Variants in ACSF3 observed in about 807,000 individuals in gnomAD.
ACSF3 encodes malonate--CoA ligase ACSF3, mitochondrial.
A neutral mutation model predicts 53.2 loss-of-function variants in ACSF3; 78 were observed. The observed-to-expected ratio is 1.47, with a 90% confidence interval of 1.22 to 1.77. The LOEUF (loss-of-function observed/expected upper bound fraction) is 1.77. ACSF3 is among the 40% of genes most tolerant of loss of function. The pLI, the probability that ACSF3 is intolerant of heterozygous loss-of-function variation, is 0.00. For synonymous variants in ACSF3, 414 were observed against 333.1 expected (o/e 1.24, Z -2.65); for missense variants, 937 against 771.1 (o/e 1.22, Z -2.55).
chr16:89,132,007 C>G (rs1213042854), intron 7 of ACSF3, among the ~76,000 whole-genome samples: 1 of 152,104 alleles, frequency 6.6e-6, no homozygotes, highest in African/African-American at 2.4e-5. Flanking sequence ...GTGTTTCACC[C>G]CCGTGGGTGG....
intron 8 of ACSF3, among the ~76,000 whole-genome samples, chr16:89,134,483 G>A (rs973186418): frequency 4.6e-5 from 7 of 152,182 alleles, no homozygotes; most frequent in Admixed American, 2.6e-4. Context: ...AGAAGTCAGC[G>A]GCGGGTCTGC....
chr16:89,124,020 CG>C (rs869188045), intron 7 of ACSF3, among the ~76,000 whole-genome samples: 109 of 73,930 alleles, frequency 1.5e-3, no homozygotes, highest in African/African-American at 4.1e-3. Flanking sequence ...ATCACACGCA[CG>C]CAGTGTGCAC....
At chr16:89,135,417 T>C (rs1015787839) in intron 8 of ACSF3, among the ~76,000 whole-genome samples, 2 of 152,330 alleles carry the variant, frequency 1.3e-5, no homozygotes, top group Admixed American at 6.5e-5. Flanking sequence ...GTTTGCAAAG[T>C]GAAGGCTCCG....
chr16:89,114,425 A>G lies in ACSF3; in HGVS notation c.1064A>G (p.Tyr355Cys), dbSNP rs1217095212. 52 of 1,613,744 alleles carry G rather than the reference A, an allele frequency of 3.2e-5. No homozygotes were observed. The highest frequency in any genetic ancestry group is 4.3e-5 in the Non-Finnish European group (51 of 1,180,034). The stretch of plus-strand genomic sequence containing the variant: ...ACGGGCCACACCCTGCTGGAGCGGT[A>G]TGGCATGACCGAGATCGGCATGGCT... ...NITGHTLLERYGMTEIGMALS... is the reference protein window; with the variant it reads ...NITGHTLLERCGMTEIGMALS... The change falls in exon 6 of 11, where the codon TAT (tyrosine) becomes TGT (cysteine). Residue 355 changes from tyrosine to cysteine, a missense_variant. By Grantham distance (194) the Tyr-to-Cys change is radical (BLOSUM62 -2). Transcript: ENST00000614302.
chr16:89,151,479 C>G, intron 10 of ACSF3: 1 of 285,122 alleles, frequency 3.5e-6, no homozygotes, highest in South Asian at 3.4e-5. Context: ...CACACAAAAT[C>G]CTAAACAAAA....
rs145228567 is a variant in ACSF3, at chr16:89,093,921, C to A, written c.-269C>A. 2 of 325,056 alleles carry A rather than the reference C, an allele frequency of 6.2e-6. No individual in the cohort carries two copies. Among genetic ancestry groups the A allele is most frequent in the Non-Finnish European group, 6.4e-6 (1 of 155,748 alleles). 20.1% of individuals were successfully genotyped at this position (325,056 alleles called of 1,614,324 possible). A position where few individuals can be genotyped will look rare whatever the true frequency, so the allele number is the denominator to read the frequency against. ...ACCCGGCCGGAACCCGGCCCGACCC[C>A]GGCGCGCGCGCGGCGGAGGACGAGG... On this transcript the variant is annotated 5_prime_UTR_variant, in exon 1 of 11. Transcript: ENST00000614302.
chr16:89,120,975 G>A, intron 7 of ACSF3, 62 bp downstream of exon 7: 4 of 1,429,202 alleles, frequency 2.8e-6, no homozygotes, highest in Non-Finnish European at 3.9e-6. Context: ...CCCCAGGGTG[G>A]TTACACTGGT....
chr16:89,133,230 G>T lies in ACSF3; in HGVS notation c.1334G>T (p.Ser445Ile). The T allele has an allele frequency of 6.2e-7, 1 of 1,614,148 alleles. No homozygotes were observed. Residue 445 changes from serine to isoleucine, a missense_variant, in exon 8 of 11, where the codon AGT (serine) becomes ATT (isoleucine). By Grantham distance (142) the Ser-to-Ile change is moderately radical. Coordinates refer to ENST00000614302, the MANE Select transcript of ACSF3 (RefSeq NM_001243279.3). ...EYWNKPEETK[S>I]AFTLDGWFKT... is the part of the protein sequence containing the mutation. ...TGGAATAAACCAGAAGAAACTAAGA[G>T]TGCATTCACCCTGGATGGCTGGTTT...
intron 6 of ACSF3, among the ~76,000 whole-genome samples, chr16:89,119,430 C>T (rs1034917928): frequency 2.2e-4 from 33 of 152,152 alleles, no homozygotes; most frequent in Non-Finnish European, 4.4e-4. Flanking sequence ...GAGGGTGTGG[C>T]GGTCGTGGGC....
rs1975502704 is a variant in ACSF3, at chr16:89,102,761, T to C, written c.822+2T>C. On this transcript the variant is annotated splice_donor_variant, in intron 4 of 10. Transcript: ENST00000614302. LOFTEE classifies it high-confidence loss of function. ...ATGCCTGAGTTCAGCCCTCAGCAGG[T>C]GAGTTGGGGTCAGGGCTCTCGGTTG... 2 of 1,611,954 alleles carry C rather than the reference T, an allele frequency of 1.2e-6. No homozygotes were observed. Among genetic ancestry groups the C allele is most frequent in the Non-Finnish European group, 1.7e-6 (2 of 1,179,802 alleles).
chr16:89,146,094 G>T (rs756736308), intron 10 of ACSF3, 45 bp downstream of exon 10: 40 of 1,467,330 alleles, frequency 2.7e-5, no homozygotes, highest in African/African-American at 4.2e-5. Flanking sequence ...GGGGTCTTGG[G>T]GGTCCAGTCT....
intron 4 of ACSF3, among the ~76,000 whole-genome samples, chr16:89,109,239 A>G (rs1976388191): frequency 6.7e-6 from 1 of 148,660 alleles, no homozygotes; most frequent in Non-Finnish European, 1.5e-5. Context: ...CAAAAAAAAA[A>G]AAAAAAAAAA....
In ACSF3 at chr16:89,153,805, G is replaced by T. The variant is rs1010055138; in HGVS notation, c.1614-285G>T. On this transcript the variant is annotated intron_variant, in intron 10 of 10. Coordinates refer to ENST00000614302, the MANE Select transcript of ACSF3 (RefSeq NM_001243279.3). ...CCCTCTGCCCTGCAGGCCACTCTGT[G>T]CAGGCCTATCCTCAGGTGTGCCCTC... is the stretch of plus-strand genomic sequence containing the variant. The T allele has an allele frequency of 6.2e-6, 3 of 480,374 alleles. No individual in the cohort carries two copies. In the Admixed American group the frequency reaches 1.0e-4, roughly 16 times the overall value. The allele number at this position is 480,374 out of a possible 1,614,324, so 29.8% of individuals were successfully genotyped here.
chr16:89,118,824 G>A (rs188177737), intron 6 of ACSF3, among the ~76,000 whole-genome samples: 88 of 152,354 alleles, frequency 5.8e-4, no homozygotes, highest in African/African-American at 1.9e-3. Context: ...GGGGCTGGCT[G>A]ACAGCGATTT....
rs750465762 is a variant in ACSF3, at chr16:89,112,260, G to C, written c.977+14G>C. 5 of 1,613,806 alleles carry C rather than the reference G, an allele frequency of 3.1e-6. No individual in the cohort carries two copies. The East Asian group carries it at 6.7e-5, about 22-fold the overall frequency. On this transcript the variant is annotated intron_variant, in intron 5 of 10. Coordinates refer to ENST00000614302, the MANE Select transcript of ACSF3 (RefSeq NM_001243279.3). ...AGAAAAAATTAGGTAAGTGAAAAGA[G>C]CCCACTTTCTCGTTCAGAAAGTCTT...
rs538346419 is a variant in ACSF3, at chr16:89,119,145, T to C, written c.1127-1656T>C. Among the ~76,000 whole-genome samples, 7 of 152,184 alleles carry C rather than the reference T, an allele frequency of 4.6e-5. No homozygotes were observed. In the East Asian group the frequency reaches 9.7e-4, roughly 21 times the overall value. On this transcript the variant is annotated intron_variant, in intron 6 of 10. Transcript: ENST00000614302. ...GTGGGGGCCACTCCTTGAGCTCTCA[T>C]GGACAATACCACTGCTTGGCTGCTG... is the stretch of plus-strand genomic sequence containing the variant.
At chr16:89,145,493 G>T (rs568252078) in intron 9 of ACSF3, 92 bp downstream of exon 9, 1 of 1,480,656 alleles carries the variant, frequency 6.8e-7, no homozygotes, top group East Asian at 2.3e-5. Context: ...AGTCGACGCC[G>T]TCCCAGCTGC....
intron 8 of ACSF3, among the ~76,000 whole-genome samples, chr16:89,137,021 C>T (rs547550691): frequency 6.6e-6 from 1 of 152,358 alleles, no homozygotes; most frequent in African/African-American, 2.4e-5. Context: ...GCACATTTGC[C>T]ACCTGGGGCG....
chr16:89,118,261 A>G (rs544964049), intron 6 of ACSF3, among the ~76,000 whole-genome samples: 59 of 152,288 alleles, frequency 3.9e-4, no homozygotes, highest in Admixed American at 2.1e-3. Context: ...CCTCTTCTCT[A>G]AGGCAGAATC....
Sources: allele counts gnomAD v4.1 joint callset (sites outside exome capture counted in the v4.1 genomes callset), GRCh38; gene constraint gnomAD v4.1.1; transcripts MANE v1.5; gene names NCBI Gene and HGNC (gene_info 2026-07-23, HGNC 2026-07-21).